CTNNA3: variants seen among roughly 807,000 people sequenced by gnomAD.
CTNNA3 encodes the protein catenin alpha-3.
In CTNNA3, 76 loss-of-function variants were observed where a neutral mutation model predicts 95.7. That is an observed-to-expected ratio of 0.79 (90% CI 0.66 to 0.96). The LOEUF (loss-of-function observed/expected upper bound fraction) is 0.96. Ranked by LOEUF, CTNNA3 falls within the 40% of genes least tolerant of loss-of-function variation. The probability of loss-of-function intolerance (pLI) is 0.00; values close to 1 mark genes in which losing one functional copy is unlikely to be tolerated. For missense variants in CTNNA3, 1,191 were observed against 1,089.8 expected (o/e 1.09, Z -1.31); for synonymous variants, 431 against 374.4 (o/e 1.15, Z -1.74).
At chr10:66,558,772 G>A (rs1842465372) in intron 10 of CTNNA3, among the ~76,000 whole-genome samples, 1 of 151,988 alleles carries the variant, frequency 6.6e-6, no homozygotes, top group Admixed American at 6.6e-5. Flanking sequence ...ACTGCTGTGG[G>A]GGAAATGACT....
At chr10:67,743,461 C>CT in intron 1 of CTNNA3, among the ~76,000 whole-genome samples, 1 of 151,334 alleles carries the variant, frequency 6.6e-6, no homozygotes, top group Admixed American at 6.6e-5. Context: ...ACGCTTCATG[C>CT]TAAAAACTCT....
intron 9 of CTNNA3, among the ~76,000 whole-genome samples, chr10:66,664,410 T>C (rs969621997): frequency 6.6e-6 from 1 of 152,066 alleles, no homozygotes; most frequent in Non-Finnish European, 1.5e-5. Flanking sequence ...TGGAGCTCTG[T>C]ATGTAAGTTA....
At chr10:66,016,155 T>A (rs1301506111) in intron 15 of CTNNA3, among the ~76,000 whole-genome samples, 1 of 152,146 alleles carries the variant, frequency 6.6e-6, no homozygotes, top group African/African-American at 2.4e-5. Context: ...GGGAGATGCC[T>A]AAGGACACAA....
At chr10:67,260,214 A>C (rs1432429941) in intron 5 of CTNNA3, among the ~76,000 whole-genome samples, 1 of 152,184 alleles carries the variant, frequency 6.6e-6, no homozygotes. Flanking sequence ...ATAATGGAGA[A>C]GGAAAGAGTG....
intron 7 of CTNNA3, among the ~76,000 whole-genome samples, chr10:66,776,241 C>CT (rs1410834581): frequency 3.9e-5 from 6 of 152,128 alleles, no homozygotes; most frequent in Admixed American, 1.3e-4. Context: ...TCTAATCATA[C>CT]TTTTTGCAGT....
chr10:67,083,162 T>A (rs1338257488), intron 7 of CTNNA3, among the ~76,000 whole-genome samples: 1 of 151,910 alleles, frequency 6.6e-6, no homozygotes, highest in East Asian at 1.9e-4. Flanking sequence ...TAGGTCTACC[T>A]AATTTGAGAA....
chr10:66,244,856 G>C (rs12414364), intron 13 of CTNNA3, among the ~76,000 whole-genome samples: 33,169 of 152,140 alleles, frequency 0.22, 3,703 homozygotes, highest in Admixed American at 0.27. Context: ...CAAGCATTGA[G>C]ACCAGCCAAG....
chr10:67,488,706 G>C (rs1469033008), intron 5 of CTNNA3, among the ~76,000 whole-genome samples: 1 of 130,394 alleles, frequency 7.7e-6, no homozygotes, highest in African/African-American at 3.4e-5. Context: ...AGTCCCTTCT[G>C]TCACCTAGGC....
At chr10:66,796,749 C>A (rs1410244031) in intron 7 of CTNNA3, among the ~76,000 whole-genome samples, 1 of 151,948 alleles carries the variant, frequency 6.6e-6, no homozygotes, top group Non-Finnish European at 1.5e-5. Context: ...TAGGTATTAA[C>A]AAATAATGAA....
At chr10:66,153,848 T>TACACACACACACAC (rs148457020) in intron 13 of CTNNA3, among the ~76,000 whole-genome samples, 45 of 149,060 alleles carry the variant, frequency 3.0e-4, no homozygotes, top group African/African-American at 9.9e-4. Context: ...ATAATTTGTT[T>TACACACACACACAC]ACACACACAC....
chr10:66,753,605 T>C (rs1441038385), intron 9 of CTNNA3, among the ~76,000 whole-genome samples: 2 of 151,456 alleles, frequency 1.3e-5, no homozygotes, highest in Non-Finnish European at 2.9e-5. Flanking sequence ...GAAGTTTCAG[T>C]GAGCCGAGAT....
At chr10:66,765,652 C>G (rs547876459) in intron 9 of CTNNA3, among the ~76,000 whole-genome samples, 1 of 152,230 alleles carries the variant, frequency 6.6e-6, no homozygotes, top group African/African-American at 2.4e-5. Flanking sequence ...TCTATTATCT[C>G]TCTCCTGGGA....
intron 5 of CTNNA3, among the ~76,000 whole-genome samples, chr10:67,263,502 T>C (rs1866698455): frequency 1.3e-5 from 2 of 152,128 alleles, no homozygotes; most frequent in South Asian, 4.1e-4. Flanking sequence ...TTGCCATCAT[T>C]TGTTACAAGC....
chr10:66,998,536 G>A (rs942395536), intron 7 of CTNNA3, among the ~76,000 whole-genome samples: 1 of 151,888 alleles, frequency 6.6e-6, no homozygotes, highest in Non-Finnish European at 1.5e-5. Context: ...CAGAAAAGTT[G>A]AAAATAAAAA....
At chr10:67,606,762 G>A in intron 3 of CTNNA3, 95 bp downstream of exon 3, 2 of 997,626 alleles carry the variant, frequency 2.0e-6, no homozygotes, top group Non-Finnish European at 1.5e-6. Context: ...CTAAAAAACT[G>A]GAGCCAACAA....
rs57002127 is a variant in CTNNA3, at chr10:67,457,938, G to A, written c.579+63904C>T. Among the ~76,000 whole-genome samples, 76 of 152,030 alleles carry A rather than the reference G, an allele frequency of 5.0e-4. No homozygotes were observed. In the East Asian group the frequency reaches 5.8e-3, roughly 12 times the overall value. ...TTGATTAGCAACTTTAATTCCCTCC[G>A]CCATCCTAATTCCCTTTGCCATGTA... On this transcript the variant is annotated intron_variant, in intron 5 of 17. Transcript: ENST00000433211.
intron 3 of CTNNA3, among the ~76,000 whole-genome samples, chr10:67,586,935 T>G (rs1288443006): frequency 6.6e-6 from 1 of 152,154 alleles, no homozygotes; most frequent in South Asian, 2.1e-4. Flanking sequence ...TTTGATTTCT[T>G]TCTCTTCCTC....
intron 11 of CTNNA3, among the ~76,000 whole-genome samples, chr10:66,510,922 A>T (rs547013087): frequency 1.3e-5 from 2 of 151,924 alleles, no homozygotes; most frequent in East Asian, 3.9e-4. Context: ...ATTAGGAAGA[A>T]TTTCTTAATC....
chr10:66,381,436 AT>A (rs2092837767), intron 11 of CTNNA3, among the ~76,000 whole-genome samples: 1 of 152,240 alleles, frequency 6.6e-6, no homozygotes, highest in African/African-American at 2.4e-5. Flanking sequence ...ACTTTTAAAA[AT>A]ATCTCTCTAG....
Sources: gnomAD v4.1 joint callset for allele counts (sites outside exome capture counted in the v4.1 genomes callset) on GRCh38, gnomAD v4.1.1 for gene constraint, MANE v1.5 for transcripts, NCBI Gene and HGNC (gene_info 2026-07-23, HGNC 2026-07-21) for gene names.